CNTNAP2: variants seen among roughly 807,000 people sequenced by gnomAD.
The protein encoded by CNTNAP2 is contactin associated protein 2.
A neutral mutation model predicts 155.2 loss-of-function variants in CNTNAP2; 98 were observed. The ratio of observed to expected loss-of-function variants is 0.63; its 90% CI spans 0.54 to 0.75. The LOEUF is 0.75. Among genes scored for constraint, CNTNAP2 ranks in the 30% least tolerant of loss-of-function variants. The probability of loss-of-function intolerance (pLI) is 0.00; values close to 1 mark genes in which losing one functional copy is unlikely to be tolerated. For missense variants in CNTNAP2, 1,727 were observed against 1,688.1 expected (o/e 1.02, Z -0.40); for synonymous variants, 651 against 631.2 (o/e 1.03, Z -0.47).
intron 3 of CNTNAP2, among the ~76,000 whole-genome samples, chr7:146,999,093 A>G (rs1163968897): frequency 1.3e-5 from 2 of 151,840 alleles, no homozygotes; most frequent in Admixed American, 6.6e-5. Context: ...TTTGTGATTA[A>G]GTAATTTTCA....
intron 13 of CNTNAP2, among the ~76,000 whole-genome samples, chr7:147,902,018 G>T (rs1799877422): frequency 6.6e-6 from 1 of 152,188 alleles, no homozygotes; most frequent in African/African-American, 2.4e-5. Context: ...TTTGTGCTTA[G>T]CTCCAATATT....
At chr7:146,294,980 A>G (rs1800489956) in intron 1 of CNTNAP2, among the ~76,000 whole-genome samples, 1 of 152,212 alleles carries the variant, frequency 6.6e-6, no homozygotes, top group Non-Finnish European at 1.5e-5. Flanking sequence ...ATTATAAAAT[A>G]TAGAGATTTT....
At chr7:147,503,612 C>G (rs1377921178) in intron 11 of CNTNAP2, among the ~76,000 whole-genome samples, 3 of 152,084 alleles carry the variant, frequency 2.0e-5, no homozygotes, top group Admixed American at 2.0e-4. Context: ...TTTCTGTAGG[C>G]TCCAGTCACA....
intron 13 of CNTNAP2, among the ~76,000 whole-genome samples, chr7:147,864,993 T>C (rs1458775947): frequency 1.3e-5 from 2 of 152,174 alleles, no homozygotes; most frequent in African/African-American, 4.8e-5. Flanking sequence ...GAAGACATCC[T>C]TGTCTTGTGC....
chr7:146,676,845 A>G (rs753794245), intron 1 of CNTNAP2, among the ~76,000 whole-genome samples: 7 of 152,148 alleles, frequency 4.6e-5, no homozygotes, highest in African/African-American at 9.7e-5. Flanking sequence ...CCATGATTCA[A>G]TTATCTCCTA....
chr7:146,400,625 A>G (rs984315592), intron 1 of CNTNAP2, among the ~76,000 whole-genome samples: 3 of 152,220 alleles, frequency 2.0e-5, no homozygotes, highest in African/African-American at 7.2e-5. Context: ...ATACTGAGTG[A>G]AAGTTTGGGG....
chr7:148,151,461 G>T (rs898003983), intron 17 of CNTNAP2, among the ~76,000 whole-genome samples: 2 of 151,784 alleles, frequency 1.3e-5, no homozygotes, highest in African/African-American at 4.8e-5. Flanking sequence ...ATGTGCCACC[G>T]TGACTGGCTA....
intron 9 of CNTNAP2, among the ~76,000 whole-genome samples, chr7:147,333,569 T>C (rs1360406370): frequency 2.0e-5 from 3 of 152,184 alleles, no homozygotes; most frequent in African/African-American, 7.2e-5. Flanking sequence ...ACTTAAATTT[T>C]TGAAATATCA....
chr7:146,663,852 T>C (rs1483892096), intron 1 of CNTNAP2, among the ~76,000 whole-genome samples: 2 of 152,138 alleles, frequency 1.3e-5, no homozygotes, highest in Non-Finnish European at 2.9e-5. Flanking sequence ...ATTTTTTATT[T>C]ATTCATTTAT....
chr7:147,529,803 A>G (rs564592692), intron 11 of CNTNAP2, among the ~76,000 whole-genome samples: 1 of 152,224 alleles, frequency 6.6e-6, no homozygotes, highest in African/African-American at 2.4e-5. Flanking sequence ...AGAGCCGGAT[A>G]AAAAGATTTT....
chr7:147,929,210 T>G (rs1046781360), intron 14 of CNTNAP2, among the ~76,000 whole-genome samples: 6 of 151,494 alleles, frequency 4.0e-5, no homozygotes, highest in East Asian at 1.9e-4. Flanking sequence ...AGCAGTCAAA[T>G]TGTGATGACC....
At chr7:148,224,686 G>A (rs970519155) in intron 19 of CNTNAP2, among the ~76,000 whole-genome samples, 2 of 152,212 alleles carry the variant, frequency 1.3e-5, no homozygotes, top group African/African-American at 4.8e-5. Flanking sequence ...TTCTCACGCT[G>A]CTATGAAGAA....
intron 14 of CNTNAP2, among the ~76,000 whole-genome samples, chr7:147,926,305 A>G (rs1366439888): frequency 1.2e-4 from 19 of 152,320 alleles, no homozygotes; most frequent in Admixed American, 1.2e-3. Flanking sequence ...CATGAAACAC[A>G]GCATTAAAAC....
intron 8 of CNTNAP2, among the ~76,000 whole-genome samples, chr7:147,199,114 G>A (rs755899819): frequency 5.3e-5 from 8 of 151,834 alleles, no homozygotes; most frequent in Non-Finnish European, 7.4e-5. Flanking sequence ...GGCGCACACC[G>A]TCATGGCTGG....
chr7:146,708,437 C>T (rs1173011621), intron 1 of CNTNAP2, among the ~76,000 whole-genome samples: 3 of 151,490 alleles, frequency 2.0e-5, no homozygotes, highest in Non-Finnish European at 4.4e-5. Context: ...AGCTTAAATG[C>T]TTTAAAATAA....
intron 1 of CNTNAP2, among the ~76,000 whole-genome samples, chr7:146,530,503 A>G (rs1396396677): frequency 1.3e-5 from 2 of 152,202 alleles, no homozygotes; most frequent in Non-Finnish European, 2.9e-5. Flanking sequence ...TAATATCCGT[A>G]ATCTATAAGG....
At chr7:147,266,191 T>C (rs1804602776) in intron 8 of CNTNAP2, among the ~76,000 whole-genome samples, 1 of 152,112 alleles carries the variant, frequency 6.6e-6, no homozygotes, top group Non-Finnish European at 1.5e-5. Flanking sequence ...ACTGTTGAGC[T>C]AAAGAAGCAT....
At chr7:147,115,218 C>T (rs1451142701) in intron 5 of CNTNAP2, among the ~76,000 whole-genome samples, 2 of 152,078 alleles carry the variant, frequency 1.3e-5, no homozygotes, top group African/African-American at 4.8e-5. Flanking sequence ...GGTGACCTGG[C>T]CTTTCAGCCT....
At chr7:146,562,706 T>C (rs531088767) in intron 1 of CNTNAP2, among the ~76,000 whole-genome samples, 3 of 152,270 alleles carry the variant, frequency 2.0e-5, no homozygotes, top group African/African-American at 7.2e-5. Context: ...ATTTTTATGA[T>C]AATGAAACAA....
Sources: gnomAD v4.1 joint callset for allele counts (sites outside exome capture counted in the v4.1 genomes callset) on GRCh38, gnomAD v4.1.1 for gene constraint, MANE v1.5 for transcripts, NCBI Gene and HGNC (gene_info 2026-07-23, HGNC 2026-07-21) for gene names.